The following PCDHA3 variants were observed in gnomAD, a reference collection of about 807,000 sequenced individuals.
PCDHA3 encodes protocadherin alpha 3.
A neutral mutation model predicts 62.2 loss-of-function variants in PCDHA3; 41 were observed. The observed-to-expected ratio is 0.66, with a 90% confidence interval of 0.51 to 0.86. PCDHA3 has a LOEUF of 0.86. Among genes scored for constraint, PCDHA3 ranks in the 40% least tolerant of loss-of-function variants. PCDHA3 has a pLI of 0.00. For synonymous variants in PCDHA3, 640 were observed against 555.4 expected (o/e 1.15, Z -2.14); for missense variants, 1,304 against 1,241.2 (o/e 1.05, Z -0.76).
At chr5:140,808,198 T>G in intron 1 of PCDHA3, 1 of 1,614,222 alleles carries the variant, frequency 6.2e-7, no homozygotes, top group Non-Finnish European at 8.5e-7. Flanking sequence ...GTAGAGTTAT[T>G]GTGGAAGTAG....
At chr5:140,821,258 G>T (rs1766929634) in intron 1 of PCDHA3, among the ~76,000 whole-genome samples, 1 of 152,038 alleles carries the variant, frequency 6.6e-6, no homozygotes, top group South Asian at 2.1e-4. Context: ...ACTCTTAAAA[G>T]TTATTTTTAT....
chr5:140,897,695 C>T (rs1417139429), intron 1 of PCDHA3, among the ~76,000 whole-genome samples: 12 of 152,090 alleles, frequency 7.9e-5, no homozygotes, highest in South Asian at 4.2e-4. Flanking sequence ...GTCCTTTGGG[C>T]ATATACCCAG....
chr5:140,963,907 A>C (rs1303006789), intron 1 of PCDHA3, among the ~76,000 whole-genome samples: 1 of 152,240 alleles, frequency 6.6e-6, no homozygotes, highest in Non-Finnish European at 1.5e-5. Flanking sequence ...AGTAAAGTGA[A>C]GCTTAGGCTA....
chr5:140,864,592 C>G (rs1005645849), intron 1 of PCDHA3: 6 of 152,206 alleles, frequency 3.9e-5, no homozygotes, highest in South Asian at 4.1e-4. Flanking sequence ...TCAACTACTT[C>G]AGATAGCCAA....
Position 140,803,164 on chromosome 5 carries a change from A to T in PCDHA3, c.1967A>T (p.Glu656Val). The T allele has an allele frequency of 6.2e-7, 1 of 1,613,870 alleles. No homozygotes were observed. Among genetic ancestry groups the T allele is most frequent in the South Asian group, 1.1e-5 (1 of 91,074 alleles). ...RLLVLVKDHG[E>V]PSLTATATVL... ...CTGGTGCTGGTGAAGGACCACGGTG[A>T]ACCCTCATTGACCGCCACGGCCACT... Residue 656 changes from glutamate (E) to valine (V), a missense_variant, in exon 1 of 4, where the codon GAA becomes GTA. Coordinates refer to ENST00000522353, the MANE Select transcript of PCDHA3 (RefSeq NM_018906.3).
At position 141,011,014 on chromosome 5, in the gene PCDHA3, C is replaced by T. The variant is rs2098419102; in HGVS notation, c.*1077C>T. On this transcript the variant is annotated 3_prime_UTR_variant, in exon 4 of 4. Coordinates refer to ENST00000522353, the MANE Select transcript of PCDHA3 (RefSeq NM_018906.3). ...CATCTGTATTATATCGGCCACCTGC[C>T]AATCACAGCTTTACTCTTTCAGGTC... 6.5e-6 allele frequency: 1 copy of T among 153,758 alleles called. No individual in the cohort carries two copies. Among genetic ancestry groups the T allele is most frequent in the Admixed American group, 6.5e-5 (1 of 15,286 alleles). 9.5% of individuals were successfully genotyped at this position (153,758 alleles called of 1,614,324 possible).
chr5:140,964,305 A>T (rs1163722863), intron 1 of PCDHA3, among the ~76,000 whole-genome samples: 1 of 152,246 alleles, frequency 6.6e-6, no homozygotes, highest in African/African-American at 2.4e-5. Flanking sequence ...AATACCTACA[A>T]GGCCTAAAAC....
intron 1 of PCDHA3, chr5:140,829,327 C>T: frequency 6.2e-7 from 1 of 1,614,240 alleles, no homozygotes; most frequent in South Asian, 1.1e-5. Context: ...TGGACAGTGC[C>T]CTGGACCGCG....
At chr5:140,940,055 C>G (rs1179353318) in intron 1 of PCDHA3, among the ~76,000 whole-genome samples, 1 of 152,064 alleles carries the variant, frequency 6.6e-6, no homozygotes, top group Non-Finnish European at 1.5e-5. Context: ...GATTCTTAAC[C>G]AAATATAAAT....
chr5:141,006,448 C>T lies in PCDHA3; in HGVS notation c.2543-3179C>T, dbSNP rs968765348. ...CAGGATGGTCTCAATCTCCTGACCT[C>T]GAGATCTGCCTGTCTCGGCCTCCCA... On this transcript the variant is annotated intron_variant, in intron 3 of 3. Coordinates refer to ENST00000522353, the MANE Select transcript of PCDHA3 (RefSeq NM_018906.3). Among the ~76,000 whole-genome samples, 4 of 152,122 alleles carry T rather than the reference C, an allele frequency of 2.6e-5. No homozygotes were observed. In the East Asian group the frequency reaches 7.7e-4, roughly 29 times the overall value.
intron 1 of PCDHA3, chr5:140,861,255 C>T (rs533071435): frequency 3.0e-5 from 5 of 166,616 alleles, no homozygotes; most frequent in African/African-American, 4.8e-5. Context: ...GGCCAGGAAT[C>T]CCGGAGCCTA....
At chr5:140,973,980 A>G (rs1554235707) in intron 1 of PCDHA3, among the ~76,000 whole-genome samples, 1 of 152,248 alleles carries the variant, frequency 6.6e-6, no homozygotes, top group African/African-American at 2.4e-5. Flanking sequence ...TGGCTTTTAC[A>G]GAACTTCACC....
intron 1 of PCDHA3, chr5:140,822,947 A>T: frequency 6.2e-7 from 1 of 1,614,242 alleles, no homozygotes. Context: ...CTAATGCCCC[A>T]CGTTCCCTTC....
chr5:140,938,904 C>A (rs1254151220), intron 1 of PCDHA3, among the ~76,000 whole-genome samples: 1 of 152,070 alleles, frequency 6.6e-6, no homozygotes, highest in Admixed American at 6.5e-5. Context: ...TGCGCACACA[C>A]ACACACGCAC....
intron 1 of PCDHA3, chr5:140,811,526 T>G (rs1357624098): frequency 6.6e-6 from 1 of 152,152 alleles, no homozygotes; most frequent in South Asian, 2.1e-4. Context: ...ATATACCCAG[T>G]AATGGGTCAA....
At chr5:140,918,823 C>T (rs2078875594) in intron 1 of PCDHA3, among the ~76,000 whole-genome samples, 2 of 11,382 alleles carry the variant, frequency 1.8e-4, no homozygotes, top group African/African-American at 5.2e-3. Context: ...AAAAAGTGGC[C>T]CCCTCCCCAG....
rs1554262529 is a variant in PCDHA3 at position 141,009,890 on chromosome 5, G to A, written c.2806G>A (p.Glu936Lys). 8.1e-6 allele frequency: 13 copies of A among 1,612,626 alleles called. No homozygotes were observed. Among genetic ancestry groups the A allele is most frequent in the Non-Finnish European group, 1.1e-5 (13 of 1,179,746 alleles). ...AAAGAAGAAGGGTAACAAGACCCAG[G>A]AGAAAAAAGAGAAAGGGAACAGCAC... Reference protein sequence around the residue: ...KKKKKGNKTQEKKEKGNSTTD... With the variant: ...KKKKKGNKTQKKKEKGNSTTD... The change falls in exon 4 of 4, where the codon GAG becomes AAG. Residue 936 changes from glutamate to lysine, a missense_variant. Glu to Lys is a moderately conservative substitution (Grantham distance 56). Coordinates refer to ENST00000522353, the MANE Select transcript of PCDHA3 (RefSeq NM_018906.3).
chr5:140,868,747 T>C, intron 1 of PCDHA3: 1 of 213,646 alleles, frequency 4.7e-6, no homozygotes, highest in South Asian at 1.1e-4. Context: ...TACAATGCCA[T>C]TTCCATATAT....
At chr5:140,885,486 T>C (rs1420709904) in intron 1 of PCDHA3, among the ~76,000 whole-genome samples, 2 of 152,188 alleles carry the variant, frequency 1.3e-5, no homozygotes, top group Non-Finnish European at 2.9e-5. Context: ...TGTCAAGTGT[T>C]CTGTTATCTT....
Sources: allele counts gnomAD v4.1 joint callset (sites outside exome capture counted in the v4.1 genomes callset), GRCh38; gene constraint gnomAD v4.1.1; transcripts MANE v1.5; gene names NCBI Gene and HGNC (gene_info 2026-07-23, HGNC 2026-07-21).